The following ENOX1 variants were observed in gnomAD, a reference collection of about 807,000 sequenced individuals.
The protein encoded by ENOX1 is ecto-NOX disulfide-thiol exchanger 1, also known as candidate growth-related and time keeping constitutive hydroquinone (NADH) oxidase.
In ENOX1, 42 loss-of-function variants were observed where a neutral mutation model predicts 82.5. The observed-to-expected ratio is 0.51, with a 90% CI of 0.40 to 0.66. The LOEUF (loss-of-function observed/expected upper bound fraction) is 0.66. Among genes scored for constraint, ENOX1 ranks in the 30% least tolerant of loss-of-function variants. The probability of loss-of-function intolerance (pLI) is 0.00; values close to 1 mark genes in which losing one functional copy is unlikely to be tolerated. For missense variants in ENOX1, 608 were observed against 811.6 expected (o/e 0.75, Z 3.05); for synonymous variants, 271 against 282.2 (o/e 0.96, Z 0.40).
intron 1 of ENOX1, among the ~76,000 whole-genome samples, chr13:43,704,538 C>A (rs1243962601): frequency 6.6e-6 from 1 of 152,094 alleles, no homozygotes; most frequent in Non-Finnish European, 1.5e-5. Flanking sequence ...AGGTGGAATT[C>A]AAGCAGAAAT....
At chr13:43,665,412 A>G (rs1230468174) in intron 2 of ENOX1, among the ~76,000 whole-genome samples, 1 of 152,166 alleles carries the variant, frequency 6.6e-6, no homozygotes, top group Non-Finnish European at 1.5e-5. Context: ...AACTTGTAAT[A>G]ATGTTGAGTT....
intron 3 of ENOX1, among the ~76,000 whole-genome samples, chr13:43,443,699 C>A (rs752805804): frequency 6.6e-6 from 1 of 152,006 alleles, no homozygotes; most frequent in African/African-American, 2.4e-5. Flanking sequence ...GAGTAAAGAG[C>A]GAGGATCCTG....
chr13:43,441,656 C>A (rs959214698), intron 3 of ENOX1, among the ~76,000 whole-genome samples: 7 of 151,646 alleles, frequency 4.6e-5, no homozygotes, highest in African/African-American at 1.7e-4. Flanking sequence ...TAGAACCTAC[C>A]TGCCCGAAGG....
intron 1 of ENOX1, among the ~76,000 whole-genome samples, chr13:43,675,205 T>C (rs552686381): frequency 6.6e-6 from 1 of 152,230 alleles, no homozygotes; most frequent in African/African-American, 2.4e-5. Flanking sequence ...TAGTCTACAG[T>C]AGTAGCAACA....
At chr13:43,300,676 G>A (rs983836683) in intron 11 of ENOX1, among the ~76,000 whole-genome samples, 1 of 152,204 alleles carries the variant, frequency 6.6e-6, no homozygotes, top group Non-Finnish European at 1.5e-5. Context: ...GGAAGGTTAG[G>A]TTCAATGGAG....
At chr13:43,227,333 T>C (rs1359928622) in intron 15 of ENOX1, among the ~76,000 whole-genome samples, 1 of 152,212 alleles carries the variant, frequency 6.6e-6, no homozygotes, top group African/African-American at 2.4e-5. Flanking sequence ...TCTTAGTCTT[T>C]GTGTGTTCTG....
At chr13:43,759,843 C>T (rs1232635597) in intron 1 of ENOX1, among the ~76,000 whole-genome samples, 2 of 152,198 alleles carry the variant, frequency 1.3e-5, no homozygotes, top group Admixed American at 6.5e-5. Flanking sequence ...CATATCCACC[C>T]ACCCATCCAT....
intron 3 of ENOX1, among the ~76,000 whole-genome samples, chr13:43,413,268 A>G (rs1228953511): frequency 2.0e-5 from 3 of 152,166 alleles, no homozygotes; most frequent in Admixed American, 6.5e-5. Flanking sequence ...CTTGCTTCCT[A>G]CTGAAGCACC....
intron 14 of ENOX1, among the ~76,000 whole-genome samples, chr13:43,253,833 T>A (rs1237372286): frequency 6.6e-6 from 1 of 152,176 alleles, no homozygotes; most frequent in Admixed American, 6.5e-5. Context: ...GGCTCCCGAC[T>A]CTTTCCATAG....
intron 1 of ENOX1, among the ~76,000 whole-genome samples, chr13:43,677,522 C>T (rs1483606466): frequency 6.6e-6 from 1 of 152,148 alleles, no homozygotes; most frequent in African/African-American, 2.4e-5. Flanking sequence ...AATTTTCTCC[C>T]TTCATACTCA....
At chr13:43,393,053 T>C (rs1429687144) in intron 5 of ENOX1, among the ~76,000 whole-genome samples, 1 of 152,222 alleles carries the variant, frequency 6.6e-6, no homozygotes, top group Admixed American at 6.5e-5. Flanking sequence ...GCATTTCTGA[T>C]ATTTTACGTT....
chr13:43,546,642 C>T, intron 2 of ENOX1: 1 of 152,200 alleles, frequency 6.6e-6, no homozygotes, highest in East Asian at 1.9e-4. Context: ...CAGAGATATG[C>T]TCCTCACACC....
intron 1 of ENOX1, among the ~76,000 whole-genome samples, chr13:43,694,551 C>T (rs192057655): frequency 6.6e-6 from 1 of 152,270 alleles, no homozygotes; most frequent in East Asian, 1.9e-4. Context: ...AAACTGATCA[C>T]TGAGAAGTAA....
intron 3 of ENOX1, among the ~76,000 whole-genome samples, chr13:43,414,102 T>C (rs1566158094): frequency 6.6e-6 from 1 of 152,206 alleles, no homozygotes; most frequent in African/African-American, 2.4e-5. Flanking sequence ...GCATGTCTTT[T>C]TGTTTCTTTC....
intron 1 of ENOX1, 35 bp from the exon 2 acceptor site, chr13:43,667,579 T>A (rs1230190789): frequency 1.3e-6 from 1 of 792,924 alleles, no homozygotes; most frequent in African/African-American, 1.9e-5. Context: ...AGAAAAAACT[T>A]CAAACATCAA....
At chr13:43,558,069 C>T in intron 2 of ENOX1, among the ~76,000 whole-genome samples, 1 of 152,166 alleles carries the variant, frequency 6.6e-6, no homozygotes, top group East Asian at 1.9e-4. Flanking sequence ...ACCATGAGTA[C>T]ATGCTACTTG....
At chr13:43,376,093 G>A (rs954679467) in intron 5 of ENOX1, among the ~76,000 whole-genome samples, 2 of 152,094 alleles carry the variant, frequency 1.3e-5, no homozygotes, top group Middle Eastern at 3.2e-3. Flanking sequence ...ATATTAGCTT[G>A]GACATTCATG....
chr13:43,450,217 G>A (rs974186378), intron 3 of ENOX1, among the ~76,000 whole-genome samples: 8 of 152,284 alleles, frequency 5.3e-5, no homozygotes, highest in African/African-American at 9.6e-5. Context: ...CTTGTTAGCC[G>A]TCCCCTGCCA....
intron 2 of ENOX1, among the ~76,000 whole-genome samples, chr13:43,496,296 C>T (rs116384724): frequency 0.014 from 2,079 of 152,048 alleles, 39 homozygotes; most frequent in African/African-American, 0.046. Flanking sequence ...AAAGTATATA[C>T]TTTGAATCAA....
Sources: allele counts gnomAD v4.1 joint callset (sites outside exome capture counted in the v4.1 genomes callset), GRCh38; gene constraint gnomAD v4.1.1; transcripts MANE v1.5; gene names NCBI Gene and HGNC (gene_info 2026-07-23, HGNC 2026-07-21).